The following ZNF350 variants were observed in gnomAD, a reference collection of about 807,000 sequenced individuals.
ZNF350 encodes the protein KRAB zinc finger protein ZFQR.
ZNF350 carries 5 observed loss-of-function variants against 13.1 expected under a neutral mutation model. The ratio of observed to expected loss-of-function variants is 0.38; its 90% CI spans 0.20 to 0.80. The LOEUF is 0.80. ZNF350 is among the 30% of genes least tolerant of loss of function. The probability of loss-of-function intolerance (pLI) is 0.43; values close to 1 mark genes in which losing one functional copy is unlikely to be tolerated. For synonymous variants in ZNF350, 199 were observed against 224.2 expected, an observed-to-expected ratio of 0.89 and a Z score of 1.00; for missense variants, 534 against 644.2, an observed-to-expected ratio of 0.83 and a Z score of 1.85.
At chr19:51,966,943 G>A (rs1056135078) in intron 4 of ZNF350, among the ~76,000 whole-genome samples, 6 of 151,966 alleles carry the variant, frequency 3.9e-5, no homozygotes, top group Admixed American at 1.3e-4. Flanking sequence ...CGCTGCACCC[G>A]GCCCCAAAGT....
chr19:51,966,199 T>G lies in ZNF350; in HGVS notation c.254A>C (p.Asp85Ala). 6.3e-7 allele frequency: 1 copy of G among 1,578,788 alleles called. No individual in the cohort carries two copies. The highest frequency in any genetic ancestry group is 8.6e-7 in the Non-Finnish European group (1 of 1,165,952). Reference protein sequence around the residue: ...SGACSDIWKVDHVLERLQSES... With the variant: ...SGACSDIWKVAHVLERLQSES... ...ACTCTGCAAGCGCTCCAGCACATGA[T>G]CAACTTTCCATATGTCTAGAAAGAA... is the stretch of plus-strand genomic sequence containing the variant. Residue 85 changes from aspartate to alanine, a missense_variant, in exon 5 of 5, where the codon GAT becomes GCT. Coordinates refer to ENST00000243644, the MANE Select transcript of ZNF350 (RefSeq NM_021632.4).
intron 2 of ZNF350, chr19:51,973,587 G>A (rs1257378973): frequency 6.6e-6 from 1 of 152,168 alleles, no homozygotes; most frequent in African/African-American, 2.4e-5. Context: ...CAAGGTGAAA[G>A]TCTAAAGGAA....
chr19:51,968,809 A>G, intron 3 of ZNF350, 136 bp from the exon 4 acceptor site: 1 of 1,418,420 alleles, frequency 7.1e-7, no homozygotes, highest in Non-Finnish European at 9.7e-7. Flanking sequence ...AAACTATGAA[A>G]GTTTCGTTTC....
chr19:51,973,684 T>A (rs2085808121), intron 2 of ZNF350: 1 of 152,272 alleles, frequency 6.6e-6, no homozygotes, highest in Non-Finnish European at 1.5e-5. Context: ...CCAGTTCAGC[T>A]ATCTGTTCAT....
intron 1 of ZNF350, among the ~76,000 whole-genome samples, chr19:51,975,254 A>C (rs1311469741): frequency 6.6e-6 from 1 of 152,116 alleles, no homozygotes; most frequent in African/African-American, 2.4e-5. Context: ...GGATCACCTG[A>C]CATCAGGAGT....
Position 51,965,163 on chromosome 19 carries a change from CTCT to C in ZNF350, c.1287_1289del (p.Glu430del), listed in dbSNP as rs753015381. 3 of 1,614,188 alleles carry C rather than the reference CTCT, an allele frequency of 1.9e-6. No homozygotes were observed. The highest frequency in any genetic ancestry group is 1.7e-5 in the Admixed American group (1 of 60,010). ...CAGGAGGATTTTCCACCTTGGCTGC[CTCT>C]TGTTTCTCCCTTGTGTGTATTCTCT... On this transcript the variant is annotated inframe_deletion, in exon 5 of 5. Transcript: ENST00000243644.
intron 1 of ZNF350, among the ~76,000 whole-genome samples, chr19:51,983,865 T>TC (rs1272001369): frequency 6.6e-6 from 1 of 152,216 alleles, no homozygotes; most frequent in African/African-American, 2.4e-5. Flanking sequence ...GTACTTTCTC[T>TC]CTGTGTCTGA....
chr19:51,966,291 T>C, intron 4 of ZNF350, 77 bp from the exon 5 acceptor site: 1 of 1,015,384 alleles, frequency 9.8e-7, no homozygotes, highest in Non-Finnish European at 1.3e-6. Context: ...GTTTTTTTTG[T>C]TTTTTTTTTT....
At chr19:51,981,744 G>A (rs1007741381) in intron 1 of ZNF350, among the ~76,000 whole-genome samples, 1 of 152,126 alleles carries the variant, frequency 6.6e-6, no homozygotes, top group Non-Finnish European at 1.5e-5. Context: ...CTGAAAAGAG[G>A]TGAAATTTGG....
In ZNF350 at chr19:51,965,742, A is replaced by G; in HGVS notation, c.711T>C (p.Ser237=). ...TTCTGGAGAAGGCTTTCTCACATAG[A>G]CTACATCTGTGGGGTTTCTCTCCTG... ...MHTGEKPHRC[S]LCEKAFSRKF... Residue 237 remains serine, a synonymous_variant, in exon 5 of 5, where the codon AGT becomes AGC. Coordinates refer to ENST00000243644, the MANE Select transcript of ZNF350 (RefSeq NM_021632.4). 1 of 1,613,788 alleles carries G rather than the reference A, an allele frequency of 6.2e-7. No homozygotes were observed. Among genetic ancestry groups the G allele is most frequent in the Non-Finnish European group, 8.5e-7 (1 of 1,179,832 alleles).
At chr19:51,970,888 A>G (rs930440692) in intron 2 of ZNF350, among the ~76,000 whole-genome samples, 1 of 152,228 alleles carries the variant, frequency 6.6e-6, no homozygotes, top group African/African-American at 2.4e-5. Context: ...CAAAGGAGAC[A>G]AAATTTTCTG....
chr19:51,982,960 G>A (rs1242989101), intron 1 of ZNF350, among the ~76,000 whole-genome samples: 1 of 152,206 alleles, frequency 6.6e-6, no homozygotes, highest in African/African-American at 2.4e-5. Context: ...AGCTGAGGAA[G>A]GTGTGGGGGA....
chr19:51,967,245 T>G (rs2122874308), intron 4 of ZNF350: 1 of 152,194 alleles, frequency 6.6e-6, no homozygotes, highest in African/African-American at 2.4e-5. Context: ...ACAGATTCAT[T>G]CATTCCACAT....
intron 1 of ZNF350, among the ~76,000 whole-genome samples, chr19:51,975,538 C>T (rs894260533): frequency 6.7e-6 from 1 of 148,918 alleles, no homozygotes; most frequent in African/African-American, 2.5e-5. Context: ...AGAAGAGAAT[C>T]AAAAACAGAG....
At chr19:51,979,661 C>T (rs1452087003) in intron 1 of ZNF350, among the ~76,000 whole-genome samples, 1 of 152,148 alleles carries the variant, frequency 6.6e-6, no homozygotes, top group Non-Finnish European at 1.5e-5. Context: ...GAATGGATTC[C>T]ATTCAATAGT....
chr19:51,978,810 C>T (rs965612177), intron 1 of ZNF350, among the ~76,000 whole-genome samples: 6 of 152,048 alleles, frequency 3.9e-5, no homozygotes, highest in Non-Finnish European at 8.8e-5. Context: ...TTCTGACTCC[C>T]GGTATGGATG....
intron 1 of ZNF350, among the ~76,000 whole-genome samples, chr19:51,978,690 AG>A (rs2085957518): frequency 6.6e-6 from 1 of 152,160 alleles, no homozygotes; most frequent in Admixed American, 6.5e-5. Flanking sequence ...TCATATCTAT[AG>A]GATGGGCACA....
chr19:51,985,465 T>A (rs2086141747), intron 1 of ZNF350, among the ~76,000 whole-genome samples: 1 of 152,152 alleles, frequency 6.6e-6, no homozygotes, highest in Non-Finnish European at 1.5e-5. Flanking sequence ...AAATGCTCCC[T>A]CAGAAACTCC....
intron 1 of ZNF350, among the ~76,000 whole-genome samples, chr19:51,983,565 T>G (rs979575336): frequency 6.6e-6 from 1 of 152,148 alleles, no homozygotes; most frequent in African/African-American, 2.4e-5. Context: ...CTGGCGGCAA[T>G]ACTACTCTTT....
Sources: allele counts gnomAD v4.1 joint callset (sites outside exome capture counted in the v4.1 genomes callset), GRCh38; gene constraint gnomAD v4.1.1; transcripts MANE v1.5; gene names NCBI Gene and HGNC (gene_info 2026-07-23, HGNC 2026-07-21).